AMELY: variants seen among roughly 807,000 people sequenced by gnomAD.
AMELY encodes the protein amelogenin Y-linked.
Under a neutral mutation model 4.2 loss-of-function variants are expected in AMELY, and 4 were observed. The ratio of observed to expected loss-of-function variants is 0.96; its 90% CI spans 0.47 to 2.19. The LOEUF is 2.19. AMELY is among the 30% of genes most tolerant of loss of function. The pLI, the probability that AMELY is intolerant of heterozygous loss-of-function variation, is 0.02. For synonymous variants in AMELY, 11 were observed against 14.7 expected, an observed-to-expected ratio of 0.75 and a Z score of 0.57; for missense variants, 32 against 41.5, an observed-to-expected ratio of 0.77 and a Z score of 0.63.
chrY:6,899,518 G>T (rs2124084824), intron 1 of AMELY, among the ~76,000 whole-genome samples: 1 of 31,160 alleles, frequency 3.2e-5, no homozygotes, highest in South Asian at 7.7e-4. Context: ...CTGAGGTCTG[G>T]AGTTCGAGAC....
chrY:6,908,855 G>C, intron 1 of AMELY, among the ~76,000 whole-genome samples: 1 of 33,139 alleles, frequency 3.0e-5, no homozygotes, highest in Non-Finnish European at 7.4e-5. Context: ...GTGTCCTTTG[G>C]TGTTCTATAA....
intron 4 of AMELY, among the ~76,000 whole-genome samples, chrY:6,869,120 A>C: frequency 2.9e-5 from 1 of 33,978 alleles, no homozygotes; most frequent in Non-Finnish European, 7.3e-5. Flanking sequence ...TTATTTCCAT[A>C]GGTCCTGCTT....
At chrY:6,892,522 C>T in intron 1 of AMELY, among the ~76,000 whole-genome samples, 2 of 33,205 alleles carry the variant, frequency 6.0e-5, no homozygotes, top group African/African-American at 2.4e-4. Context: ...AAGCCCTAAA[C>T]CCAGCTCAGG....
At chrY:6,894,943 T>C (rs2054085377) in intron 1 of AMELY, among the ~76,000 whole-genome samples, 1 of 33,457 alleles carries the variant, frequency 3.0e-5, no homozygotes, top group Non-Finnish European at 7.4e-5. Flanking sequence ...AAAGATACTC[T>C]TCAAAATATT....
intron 1 of AMELY, among the ~76,000 whole-genome samples, chrY:6,885,257 A>T: frequency 3.0e-5 from 1 of 32,850 alleles, no homozygotes; most frequent in Non-Finnish European, 7.6e-5. Context: ...AGGGGGGCGG[A>T]TCACGAGGTC....
intron 1 of AMELY, among the ~76,000 whole-genome samples, chrY:6,876,987 G>A: frequency 3.0e-5 from 1 of 33,277 alleles, no homozygotes; most frequent in African/African-American, 1.2e-4. Context: ...GCACCATCTT[G>A]AGAATTTAAG....
At chrY:6,893,591 C>A in intron 1 of AMELY, among the ~76,000 whole-genome samples, 2 of 32,931 alleles carry the variant, frequency 6.1e-5, no homozygotes, top group South Asian at 1.4e-3. Context: ...GTTTCCAGAA[C>A]CTACCCATAC....
intron 1 of AMELY, among the ~76,000 whole-genome samples, chrY:6,899,244 T>C (rs759664520): frequency 2.0e-4 from 7 of 34,158 alleles, no homozygotes; most frequent in South Asian, 1.3e-3. Flanking sequence ...TTTTAAAATA[T>C]GGCATTAAAG....
chrY:6,871,665 A>G, intron 3 of AMELY, among the ~76,000 whole-genome samples: 1 of 32,395 alleles, frequency 3.1e-5, no homozygotes, highest in African/African-American at 1.2e-4. Context: ...GTCCCTTTCA[A>G]AAGCTTCCTC....
chrY:6,885,366 T>G (rs2054079119), intron 1 of AMELY, among the ~76,000 whole-genome samples: 2 of 33,772 alleles, frequency 5.9e-5, no homozygotes, highest in Non-Finnish European at 1.5e-4. Flanking sequence ...TCCCAGCTAC[T>G]CAGGAGGCTG....
At chrY:6,891,583 G>GT in intron 1 of AMELY, among the ~76,000 whole-genome samples, 1 of 33,666 alleles carries the variant, frequency 3.0e-5, no homozygotes, top group Non-Finnish European at 7.4e-5. Context: ...TGCTACAGCA[G>GT]TATCAGAGTT....
chrY:6,892,440 C>T, intron 1 of AMELY, among the ~76,000 whole-genome samples: 1 of 32,828 alleles, frequency 3.0e-5, no homozygotes, highest in Non-Finnish European at 7.5e-5. Context: ...CCTAAGGAGC[C>T]GTTTCAAGAT....
chrY:6,885,687 C>T (rs772693005), intron 1 of AMELY, among the ~76,000 whole-genome samples: 13 of 34,323 alleles, frequency 3.8e-4, no homozygotes, highest in African/African-American at 1.5e-3. Context: ...CCATGAAATA[C>T]TACACAGTCA....
intron 1 of AMELY, chrY:6,910,747 C>A: frequency 1.8e-5 from 1 of 56,762 alleles, no homozygotes; most frequent in Non-Finnish European, 3.7e-5. Flanking sequence ...CCGCTGCTGC[C>A]GCCACCGCAG....
intron 1 of AMELY, among the ~76,000 whole-genome samples, chrY:6,894,698 C>G: frequency 3.0e-5 from 1 of 33,518 alleles, no homozygotes; most frequent in Non-Finnish European, 7.4e-5. Context: ...CCTGGCCAGC[C>G]TTAGCATAGC....
chrY:6,872,451 T>C, intron 3 of AMELY, 104 bp downstream of exon 3: 1 of 252,955 alleles, frequency 4.0e-6, no homozygotes, highest in Non-Finnish European at 6.2e-6. Context: ...TGGGGCCTCT[T>C]AGCTCAAACT....
intron 1 of AMELY, among the ~76,000 whole-genome samples, chrY:6,894,984 C>T: frequency 2.1e-4 from 7 of 33,489 alleles, no homozygotes; most frequent in African/African-American, 5.8e-4. Context: ...CCAACAAAAG[C>T]GAGAAAATAA....
chrY:6,868,421 G>T lies in AMELY; in HGVS notation c.189C>A (p.His63Gln). The T allele has an allele frequency of 2.5e-6, 1 of 398,373 alleles. No homozygotes were observed. Among genetic ancestry groups the T allele is most frequent in the Admixed American group, 7.4e-5 (1 of 13,452 alleles). ...YGYEPMGGWL[H>Q]HQIIPVVSQQ... ...GGGACACCACGGGGATGATTTGGTGGTGCAGCCATCCACCCATGGGCTCGT... is the reference window on the plus strand; with the variant it reads ...GGGACACCACGGGGATGATTTGGTGTTGCAGCCATCCACCCATGGGCTCGT... Residue 63 changes from histidine (H) to glutamine (Q), a missense_variant, in exon 6 of 7, where the codon CAC becomes CAA. His to Gln is a conservative substitution (Grantham distance 24, BLOSUM62 0). Coordinates refer to ENST00000651267, the MANE Select transcript of AMELY (RefSeq NM_001143.2).
chrY:6,906,758 GTTTC>G (rs2011664845), intron 1 of AMELY, among the ~76,000 whole-genome samples: 1 of 31,417 alleles, frequency 3.2e-5, no homozygotes, highest in African/African-American at 1.2e-4. Context: ...GTCTAACATC[GTTTC>G]TTTTTTTTTT....
Sources: allele counts gnomAD v4.1 joint callset (sites outside exome capture counted in the v4.1 genomes callset), GRCh38; gene constraint gnomAD v4.1.1; transcripts MANE v1.5; gene names NCBI Gene and HGNC (gene_info 2026-07-23, HGNC 2026-07-21).